The following CCDC91 variants were observed in gnomAD, a reference collection of about 807,000 sequenced individuals.
The protein encoded by CCDC91 is coiled-coil domain-containing protein 91.
CCDC91 carries 48 observed loss-of-function variants against 63.2 expected under a neutral mutation model. That is an observed-to-expected ratio of 0.76 (90% confidence interval 0.60 to 0.97). CCDC91 has a LOEUF of 0.97. Among genes scored for constraint, CCDC91 ranks in the 50% least tolerant of loss-of-function variants. The pLI is 0.00. For synonymous variants in CCDC91, 167 were observed against 165.8 expected (o/e 1.01, Z -0.06); for missense variants, 500 against 494.6 (o/e 1.01, Z -0.10).
At chr12:28,366,945 G>C (rs1002075900) in intron 7 of CCDC91, among the ~76,000 whole-genome samples, 2 of 151,962 alleles carry the variant, frequency 1.3e-5, no homozygotes, top group Non-Finnish European at 2.9e-5. Context: ...GGCTGAGTTG[G>C]GTACTTAGAC....
At chr12:28,275,185 G>A (rs779894548) in intron 3 of CCDC91, among the ~76,000 whole-genome samples, 2 of 152,026 alleles carry the variant, frequency 1.3e-5, no homozygotes, top group Non-Finnish European at 2.9e-5. Flanking sequence ...CCAGGAGCTG[G>A]TTTTTTGAAA....
chr12:28,380,367 A>G (rs1427680298), intron 7 of CCDC91, among the ~76,000 whole-genome samples: 1 of 152,084 alleles, frequency 6.6e-6, no homozygotes, highest in East Asian at 1.9e-4. Flanking sequence ...TGTTTCAGAC[A>G]TGTAAGAACT....
At chr12:28,415,675 T>TGC (rs2139806859) in intron 8 of CCDC91, among the ~76,000 whole-genome samples, 1 of 151,820 alleles carries the variant, frequency 6.6e-6, no homozygotes, top group East Asian at 1.9e-4. Context: ...TGTGTGTGTG[T>TGC]GTGTGTGTGT....
At chr12:28,456,224 G>A (rs1340302077) in intron 11 of CCDC91, among the ~76,000 whole-genome samples, 1 of 152,086 alleles carries the variant, frequency 6.6e-6, no homozygotes, top group Non-Finnish European at 1.5e-5. Flanking sequence ...ACAACATTAA[G>A]CAAGATAGTC....
chr12:28,433,072 T>A (rs1365313680), intron 8 of CCDC91, among the ~76,000 whole-genome samples: 1 of 152,004 alleles, frequency 6.6e-6, no homozygotes, highest in Non-Finnish European at 1.5e-5. Context: ...GGCCTTTTTT[T>A]GTTGTTGAGT....
In CCDC91 at chr12:28,408,491, G is replaced by A. The variant is rs148560066; in HGVS notation, c.762+17080G>A. On this transcript the variant is annotated intron_variant, in intron 8 of 12. Transcript: ENST00000536442. ...TTTAATAATAGCCATTCTGACTGGCGTTGAGATGGTATCTCATTGTGGTTT... is the reference window on the plus strand; with the variant it reads ...TTTAATAATAGCCATTCTGACTGGCATTGAGATGGTATCTCATTGTGGTTT... Among the ~76,000 whole-genome samples, 196 of 152,108 alleles carry A rather than the reference G, an allele frequency of 1.3e-3. 1 individual carries two copies. The highest frequency in any genetic ancestry group is 2.3e-3 in the Admixed American group (35 of 15,270).
chr12:28,432,941 T>C (rs1948708766), intron 8 of CCDC91, among the ~76,000 whole-genome samples: 1 of 152,124 alleles, frequency 6.6e-6, no homozygotes, highest in Non-Finnish European at 1.5e-5. Flanking sequence ...GTATCTCGTT[T>C]TAATTCACAT....
intron 6 of CCDC91, among the ~76,000 whole-genome samples, chr12:28,330,877 C>A (rs913732577): frequency 5.9e-5 from 9 of 152,124 alleles, no homozygotes; most frequent in African/African-American, 2.2e-4. Context: ...TCTCATACTT[C>A]AAAGTTTTGC....
At position 28,402,228 on chromosome 12, in the gene CCDC91, T is replaced by C. The variant is rs1220342636; in HGVS notation, c.762+10817T>C. Reference sequence around the variant, plus strand: ...TGATAACCAGAAATATCGCTAGATATTGCTGACACTTTGACAATATTGAGT... The same window carrying C: ...TGATAACCAGAAATATCGCTAGATACTGCTGACACTTTGACAATATTGAGT... On this transcript the variant is annotated intron_variant, in intron 8 of 12. Coordinates refer to ENST00000536442, the MANE Select transcript of CCDC91 (RefSeq NM_018318.5). Among the ~76,000 whole-genome samples the C allele has an allele frequency of 1.1e-4, 17 of 152,184 alleles. 1 individual carries two copies. The highest frequency in any genetic ancestry group is 7.9e-4 in the Admixed American group (12 of 15,268).
intron 1 of CCDC91, among the ~76,000 whole-genome samples, chr12:28,203,973 A>G (rs900879391): frequency 6.0e-4 from 92 of 152,336 alleles, no homozygotes; most frequent in African/African-American, 1.9e-3. Context: ...CCTAGTTAAA[A>G]AAAACAACCA....
intron 12 of CCDC91, among the ~76,000 whole-genome samples, chr12:28,526,729 A>T (rs1282059031): frequency 6.6e-6 from 1 of 152,020 alleles, no homozygotes; most frequent in Non-Finnish European, 1.5e-5. Flanking sequence ...CTTCCTCCTC[A>T]GGAACACCGA....
intron 6 of CCDC91, among the ~76,000 whole-genome samples, chr12:28,326,818 C>T (rs1056479246): frequency 6.6e-6 from 1 of 151,838 alleles, no homozygotes. Context: ...CAAAGCAGGT[C>T]CCCCCCAAAA....
intron 12 of CCDC91, among the ~76,000 whole-genome samples, chr12:28,532,931 G>T (rs1941861394): frequency 6.6e-6 from 1 of 152,078 alleles, no homozygotes; most frequent in Non-Finnish European, 1.5e-5. Flanking sequence ...ATTGGTCCAT[G>T]AAAATAATAT....
chr12:28,428,819 A>G (rs1003792037), intron 8 of CCDC91, among the ~76,000 whole-genome samples: 1 of 152,072 alleles, frequency 6.6e-6, no homozygotes, highest in Non-Finnish European at 1.5e-5. Context: ...GCATTTCATC[A>G]TAATTATAAG....
At chr12:28,217,627 G>A (rs1328565413) in intron 1 of CCDC91, among the ~76,000 whole-genome samples, 1 of 152,106 alleles carries the variant, frequency 6.6e-6, no homozygotes, top group Non-Finnish European at 1.5e-5. Flanking sequence ...TGAAAGGACT[G>A]TAGGATTTCA....
chr12:28,400,449 C>T (rs1379777253), intron 8 of CCDC91, among the ~76,000 whole-genome samples: 1 of 151,666 alleles, frequency 6.6e-6, no homozygotes, highest in Admixed American at 6.6e-5. Flanking sequence ...CTGACATGCC[C>T]TGGAGATATT....
chr12:28,266,385 C>G (rs1481486638), intron 3 of CCDC91, among the ~76,000 whole-genome samples: 1 of 151,936 alleles, frequency 6.6e-6, no homozygotes, highest in East Asian at 1.9e-4. Flanking sequence ...CTAAACAATT[C>G]TTTGAGATTT....
At position 28,278,574 on chromosome 12, in the gene CCDC91, A is replaced by C. The variant is rs562419161; in HGVS notation, c.109+19132A>C. Reference sequence around the variant, plus strand: ...GAGCATAAGCCAGATAACTACCTGTATAAGTCTTTCTCAAGTCTTTTTGTT... The same window carrying C: ...GAGCATAAGCCAGATAACTACCTGTCTAAGTCTTTCTCAAGTCTTTTTGTT... On this transcript the variant is annotated intron_variant, in intron 3 of 12. Transcript: ENST00000536442. Among the ~76,000 whole-genome samples the C allele has an allele frequency of 2.6e-5, 4 of 152,244 alleles. No homozygotes were observed. In the South Asian group the frequency reaches 8.3e-4, roughly 32 times the overall value.
At chr12:28,270,650 A>G (rs1041027540) in intron 3 of CCDC91, among the ~76,000 whole-genome samples, 1 of 152,176 alleles carries the variant, frequency 6.6e-6, no homozygotes, top group Non-Finnish European at 1.5e-5. Context: ...TCATCAATCC[A>G]TTAGGTTCCT....
Sources: allele counts gnomAD v4.1 joint callset (sites outside exome capture counted in the v4.1 genomes callset), GRCh38; gene constraint gnomAD v4.1.1; transcripts MANE v1.5; gene names NCBI Gene and HGNC (gene_info 2026-07-23, HGNC 2026-07-21).